The following ZNF207 variants were observed in gnomAD, a reference collection of about 807,000 sequenced individuals.
ZNF207 encodes the protein zinc finger protein 207, also known as BUB3-interacting and GLEBS motif-containing protein ZNF207.
Under a neutral mutation model 60.2 loss-of-function variants are expected in ZNF207, and 24 were observed. That is an observed-to-expected ratio of 0.40 (90% CI 0.29 to 0.56). The LOEUF is 0.56. Ranked by LOEUF, ZNF207 falls within the 20% of genes least tolerant of loss-of-function variation. ZNF207 has a pLI of 0.49. For missense variants in ZNF207, 452 were observed against 636.6 expected, an observed-to-expected ratio of 0.71 and a Z score of 3.12; for synonymous variants, 236 against 194.7, an observed-to-expected ratio of 1.21 and a Z score of -1.77.
At chr17:32,368,361 T>G (rs931114395) in intron 10 of ZNF207, 2 of 233,252 alleles carry the variant, frequency 8.6e-6, no homozygotes, top group African/African-American at 4.6e-5. Context: ...GCAGATCCCT[T>G]AAGTCCCATA....
intron 2 of ZNF207, among the ~76,000 whole-genome samples, chr17:32,354,804 T>C (rs1330377419): frequency 2.0e-5 from 3 of 151,836 alleles, no homozygotes; most frequent in Non-Finnish European, 4.4e-5. Flanking sequence ...TTAGTACAGA[T>C]GGGGTTTCAC....
At chr17:32,360,495 C>G in intron 3 of ZNF207, 103 bp from the exon 4 acceptor site, 2 of 1,153,504 alleles carry the variant, frequency 1.7e-6, no homozygotes, top group Non-Finnish European at 2.4e-6. Context: ...GAAGAAAAAT[C>G]TCATGAAGTA....
At chr17:32,358,077 GC>G (rs1488633197) in intron 2 of ZNF207, among the ~76,000 whole-genome samples, 2 of 152,170 alleles carry the variant, frequency 1.3e-5, no homozygotes, top group Admixed American at 6.6e-5. Context: ...ACCTCGCCTG[GC>G]TATATTCTAA....
At chr17:32,357,723 C>T (rs1251166825) in intron 2 of ZNF207, among the ~76,000 whole-genome samples, 1 of 152,046 alleles carries the variant, frequency 6.6e-6, no homozygotes, top group Non-Finnish European at 1.5e-5. Context: ...GCAACCTCTG[C>T]CTCCCAGGTT....
chr17:32,351,463 A>T, intron 1 of ZNF207: 1 of 1,411,270 alleles, frequency 7.1e-7, no homozygotes, highest in South Asian at 1.4e-5. Context: ...TCCTGTCCTC[A>T]GTGTGCATTT....
chr17:32,367,438 A>T (rs1301803381), intron 9 of ZNF207, among the ~76,000 whole-genome samples: 1 of 151,494 alleles, frequency 6.6e-6, no homozygotes, highest in Non-Finnish European at 1.5e-5. Flanking sequence ...AATAGAACAC[A>T]TGCTATTCTA....
In ZNF207 at chr17:32,379,109, C is replaced by G. The variant is rs1296384528; in HGVS notation, c.*9350C>G. ...TTTTTAATGTAAAATTGCACAAGGG[C>G]TTAAGTTTCATTGCCTTTCACAGTT... On this transcript the variant is annotated 3_prime_UTR_variant, in exon 12 of 12. Transcript: ENST00000394670. 6.6e-6 allele frequency: 1 copy of G among 151,988 alleles called. No individual in the cohort carries two copies. Among genetic ancestry groups the G allele is most frequent in the Admixed American group, 6.5e-5 (1 of 15,270 alleles). 9.4% of individuals were successfully genotyped at this position (151,988 alleles called of 1,614,324 possible).
Position 32,373,039 on chromosome 17 carries a change from G to A in ZNF207, c.*3280G>A, listed in dbSNP as rs1359070023. On this transcript the variant is annotated 3_prime_UTR_variant, in exon 12 of 12. Transcript: ENST00000394670. ...ATACTGTTTAACAAGACCACAGCAG[G>A]TAAGGATTAATTTTTGAGTGGCTGC... The A allele has an allele frequency of 1.1e-5, 2 of 174,504 alleles. No individual in the cohort carries two copies. The highest frequency in any genetic ancestry group is 1.2e-4 in the Admixed American group (2 of 16,274). The allele number at this position is 174,504 out of a possible 1,614,324, so 10.8% of individuals were successfully genotyped here.
Position 32,361,066 on chromosome 17 carries a change from CTTCTAG to C in ZNF207, c.551+100_551+105del, listed in dbSNP as rs760075568. On this transcript the variant is annotated intron_variant, in intron 5 of 11. Coordinates refer to ENST00000394670, the MANE Select transcript of ZNF207 (RefSeq NM_001098507.2). ...ATGAAATGTTACTTTCCATTTTTTG[CTTCTAG>C]AAGGTATGGGCTCTATATATCTTGT... is the stretch of plus-strand genomic sequence containing the variant. 3.4e-4 allele frequency: 446 copies of C among 1,306,838 alleles called. 2 individuals carry two copies. The highest frequency in any genetic ancestry group is 4.6e-4 in the Non-Finnish European group (429 of 928,826). 81.0% of individuals were successfully genotyped at this position (1,306,838 alleles called of 1,614,324 possible).
chr17:32,364,990 G>T (rs183064589), intron 7 of ZNF207, among the ~76,000 whole-genome samples: 4 of 152,304 alleles, frequency 2.6e-5, no homozygotes, highest in Admixed American at 2.6e-4. Flanking sequence ...TTGCACTAGG[G>T]TTCAGGGAGT....
At chr17:32,353,641 A>G (rs1904322531) in intron 2 of ZNF207, among the ~76,000 whole-genome samples, 1 of 107,014 alleles carries the variant, frequency 9.3e-6, no homozygotes, top group Admixed American at 1.4e-4. Context: ...TTAGCTGGGC[A>G]TGGTGGCAGG....
chr17:32,365,652 C>A, intron 8 of ZNF207, 165 bp downstream of exon 8: 3 of 491,626 alleles, frequency 6.1e-6, no homozygotes, highest in Non-Finnish European at 5.9e-6. Context: ...CATGTTTACA[C>A]ACTGATTTCC....
intron 3 of ZNF207, among the ~76,000 whole-genome samples, chr17:32,359,914 T>C (rs910453015): frequency 1.4e-4 from 22 of 151,826 alleles, no homozygotes; most frequent in African/African-American, 4.6e-4. Flanking sequence ...GATCACTTGA[T>C]AGATAGATAA....
At position 32,358,847 on chromosome 17, in the gene ZNF207, TG is replaced by T. The variant is rs1330707537; in HGVS notation, c.307+207del. Among the ~76,000 whole-genome samples, 4 of 152,100 alleles carry T rather than the reference TG, an allele frequency of 2.6e-5. No individual in the cohort carries two copies. In the East Asian group the frequency reaches 7.7e-4, roughly 29 times the overall value. On this transcript the variant is annotated intron_variant, in intron 3 of 11. Transcript: ENST00000394670. ...GTCTTGCTCTGTTGCCAGGCTGGAG[TG>T]CAGTAGCATGATCTCGGCTCATTGC...
At chr17:32,357,351 ATT>A (rs1164011891) in intron 2 of ZNF207, among the ~76,000 whole-genome samples, 781 of 73,944 alleles carry the variant, frequency 0.011, 7 homozygotes, top group Non-Finnish European at 0.014. Context: ...TATTATTATT[ATT>A]TTTTTTTTTT....
chr17:32,353,189 G>A (rs921789471), intron 2 of ZNF207, among the ~76,000 whole-genome samples: 1 of 152,026 alleles, frequency 6.6e-6, no homozygotes, highest in African/African-American at 2.4e-5. Context: ...TAATAATAAT[G>A]ACAATAATTT....
At chr17:32,361,554 T>C in intron 6 of ZNF207, 39 bp downstream of exon 6, 1 of 1,538,330 alleles carries the variant, frequency 6.5e-7, no homozygotes, top group Non-Finnish European at 8.9e-7. Context: ...GGAGGTATAA[T>C]CATACTGTCA....
In ZNF207 at chr17:32,358,667, TATTTA is replaced by T. The variant is rs139187468; in HGVS notation, c.307+27_307+31del. On this transcript the variant is annotated intron_variant, in intron 3 of 11. Coordinates refer to ENST00000394670, the MANE Select transcript of ZNF207 (RefSeq NM_001098507.2). ...GTAAATATTGGGATAAGTTTTATTTTATTTATTTATTTTTTTTAATTTTTTTTTTT... is the reference window on the plus strand; with the variant it reads ...GTAAATATTGGGATAAGTTTTATTTTTTTATTTTTTTTAATTTTTTTTTTT... 1.5e-3 allele frequency: 2,056 copies of T among 1,392,616 alleles called. 25 individuals carry two copies. In the African/African-American group the frequency reaches 0.028, roughly 19 times the overall value. 86.3% of individuals were successfully genotyped at this position (1,392,616 alleles called of 1,614,324 possible).
intron 2 of ZNF207, among the ~76,000 whole-genome samples, chr17:32,352,411 C>T (rs1392492540): frequency 6.6e-6 from 1 of 150,448 alleles, no homozygotes; most frequent in African/African-American, 2.5e-5. Flanking sequence ...ATAAACAAAA[C>T]TGGCTTTTTA....
Sources: allele counts gnomAD v4.1 joint callset (sites outside exome capture counted in the v4.1 genomes callset), GRCh38; gene constraint gnomAD v4.1.1; transcripts MANE v1.5; gene names NCBI Gene and HGNC (gene_info 2026-07-23, HGNC 2026-07-21).